ASXL3: variants seen among roughly 807,000 people sequenced by gnomAD.
The protein encoded by ASXL3 is putative Polycomb group protein ASXL3.
ASXL3 carries 34 observed loss-of-function variants against 170.6 expected under a neutral mutation model. The ratio of observed to expected loss-of-function variants is 0.20; its 90% CI spans 0.15 to 0.27. The LOEUF (loss-of-function observed/expected upper bound fraction) is 0.27, where lower values mean the gene tolerates loss of function less well. ASXL3 is among the 10% of genes least tolerant of loss of function. The probability of loss-of-function intolerance (pLI) is 1.00; values close to 1 mark genes in which losing one functional copy is unlikely to be tolerated. For synonymous variants in ASXL3, 1,002 were observed against 989.1 expected, an observed-to-expected ratio of 1.01 and a Z score of -0.24; for missense variants, 2,592 against 2,695.3, an observed-to-expected ratio of 0.96 and a Z score of 0.85.
chr18:33,619,156 G>T (rs1199735593), intron 2 of ASXL3, among the ~76,000 whole-genome samples: 1 of 152,076 alleles, frequency 6.6e-6, no homozygotes, highest in Non-Finnish European at 1.5e-5. Context: ...ATTTGAAAAA[G>T]TTCATCAAGC....
At chr18:33,592,104 T>C (rs1352133375) in intron 1 of ASXL3, among the ~76,000 whole-genome samples, 1 of 152,138 alleles carries the variant, frequency 6.6e-6, no homozygotes, top group African/African-American at 2.4e-5. Flanking sequence ...TTTATCTTCT[T>C]GGTGCTAGGT....
intron 8 of ASXL3, among the ~76,000 whole-genome samples, chr18:33,711,733 G>C (rs1431211314): frequency 6.6e-6 from 1 of 152,068 alleles, no homozygotes; most frequent in Admixed American, 6.6e-5. Flanking sequence ...CGGTGTCTGG[G>C]AGAGGCTATG....
intron 1 of ASXL3, among the ~76,000 whole-genome samples, chr18:33,591,492 T>C (rs1310305811): frequency 6.6e-6 from 1 of 152,212 alleles, no homozygotes; most frequent in African/African-American, 2.4e-5. Flanking sequence ...CTCCAATTTT[T>C]ATTTCTTTGT....
chr18:33,655,568 C>A (rs139584373), intron 4 of ASXL3, among the ~76,000 whole-genome samples: 17 of 152,046 alleles, frequency 1.1e-4, no homozygotes, highest in African/African-American at 4.1e-4. Context: ...AACCCAAATA[C>A]CTATACCTAT....
chr18:33,641,487 A>T (rs990369855), intron 2 of ASXL3, among the ~76,000 whole-genome samples: 2 of 152,088 alleles, frequency 1.3e-5, no homozygotes, highest in African/African-American at 4.8e-5. Context: ...GAAAGAAAAG[A>T]ATTGGGGACA....
At chr18:33,613,785 G>A (rs1185632780) in intron 2 of ASXL3, among the ~76,000 whole-genome samples, 1 of 152,044 alleles carries the variant, frequency 6.6e-6, no homozygotes, top group Admixed American at 6.6e-5. Flanking sequence ...GCCAGACTTG[G>A]TGGTACATGC....
intron 1 of ASXL3, among the ~76,000 whole-genome samples, chr18:33,582,343 A>G (rs1181782696): frequency 1.3e-5 from 2 of 152,146 alleles, no homozygotes; most frequent in Non-Finnish European, 1.5e-5. Context: ...ACTTTGTTTT[A>G]CAGCACTAAG....
intron 2 of ASXL3, among the ~76,000 whole-genome samples, chr18:33,620,730 G>A (rs748454650): frequency 3.3e-5 from 5 of 152,106 alleles, no homozygotes; most frequent in Non-Finnish European, 7.4e-5. Flanking sequence ...GGTGATGAGG[G>A]ATTGTGAAAT....
At chr18:33,728,003 A>G (rs961295104) in intron 8 of ASXL3, among the ~76,000 whole-genome samples, 1 of 152,148 alleles carries the variant, frequency 6.6e-6, no homozygotes, top group Non-Finnish European at 1.5e-5. Flanking sequence ...ATGTGCTGAG[A>G]TCTCGAGAAT....
chr18:33,600,756 G>GACCACTTTGTTTGAAACTCCAAAA (rs2065175827), intron 1 of ASXL3, among the ~76,000 whole-genome samples: 1 of 152,106 alleles, frequency 6.6e-6, no homozygotes, highest in Non-Finnish European at 1.5e-5. Flanking sequence ...TTCAGGGAAT[G>GACCACTTTGTTTGAAACTCCAAAA]ACCACTTTGT....
At chr18:33,621,534 C>G (rs1482985972) in intron 2 of ASXL3, among the ~76,000 whole-genome samples, 1 of 152,116 alleles carries the variant, frequency 6.6e-6, no homozygotes, top group African/African-American at 2.4e-5. Flanking sequence ...ATAATTTGTA[C>G]TTCAAATAGT....
At chr18:33,660,075 T>A (rs2066147262) in intron 4 of ASXL3, among the ~76,000 whole-genome samples, 1 of 152,138 alleles carries the variant, frequency 6.6e-6, no homozygotes, top group Non-Finnish European at 1.5e-5. Context: ...GGAAAAATCA[T>A]GGGTTCTGGA....
chr18:33,745,395 G>A lies in ASXL3; in HGVS notation c.5547G>A (p.Leu1849=). The stretch of plus-strand genomic sequence containing the variant: ...TTAAATGTGAACCAGGAAAATTGTT[G>A]GTGGAGCCAGATGTTAAAGGGGTGC... ...TQVKCEPGKL[L]VEPDVKGVPC... Residue 1849 remains leucine, a synonymous_variant, in exon 12 of 12, where the codon TTG becomes TTA. Coordinates refer to ENST00000269197, the MANE Select transcript of ASXL3 (RefSeq NM_030632.3). 1 of 1,613,922 alleles carries A rather than the reference G, an allele frequency of 6.2e-7. No homozygotes were observed. The highest frequency in any genetic ancestry group is 1.1e-5 in the South Asian group (1 of 91,064).
chr18:33,620,116 C>A (rs570928470), intron 2 of ASXL3, among the ~76,000 whole-genome samples: 1 of 152,244 alleles, frequency 6.6e-6, no homozygotes, highest in Non-Finnish European at 1.5e-5. Flanking sequence ...GAAAACCTCA[C>A]CCTTTCCTTT....
At chr18:33,737,095 C>G (rs762384294) in intron 10 of ASXL3, among the ~76,000 whole-genome samples, 1 of 151,990 alleles carries the variant, frequency 6.6e-6, no homozygotes, top group Non-Finnish European at 1.5e-5. Flanking sequence ...TTCTGATACT[C>G]TCAGTATAGT....
At chr18:33,647,747 C>G (rs2145204970) in intron 4 of ASXL3, among the ~76,000 whole-genome samples, 1 of 152,022 alleles carries the variant, frequency 6.6e-6, no homozygotes, top group East Asian at 1.9e-4. Flanking sequence ...AAAACAAAAG[C>G]AAATCTCTCA....
At position 33,679,872 on chromosome 18, in the gene ASXL3, T is replaced by G. The variant is rs192476195; in HGVS notation, c.716-3533T>G. ...TCTGTCAAGTATTGTGTCCTTACCT[T>G]TCATTCCTCTTCACATTTGTTTATA... On this transcript the variant is annotated intron_variant, in intron 7 of 11. Transcript: ENST00000269197. Among the ~76,000 whole-genome samples, 558 of 152,184 alleles carry G rather than the reference T, an allele frequency of 3.7e-3. 1 individual carries two copies. The highest frequency in any genetic ancestry group is 0.014 in the Middle Eastern group (4 of 294).
chr18:33,631,359 T>C (rs1304759446), intron 2 of ASXL3, among the ~76,000 whole-genome samples: 1 of 152,100 alleles, frequency 6.6e-6, no homozygotes, highest in Non-Finnish European at 1.5e-5. Context: ...AGAATTGTTT[T>C]TTTAGTTCAC....
intron 1 of ASXL3, 93 bp from the exon 2 acceptor site, chr18:33,607,501 C>G (rs755809485): frequency 6.8e-6 from 7 of 1,033,656 alleles, no homozygotes; most frequent in Non-Finnish European, 1.0e-5. Flanking sequence ...CCCTTCCCCT[C>G]TAATAAAATA....
Sources: allele counts gnomAD v4.1 joint callset (sites outside exome capture counted in the v4.1 genomes callset), GRCh38; gene constraint gnomAD v4.1.1; transcripts MANE v1.5; gene names NCBI Gene and HGNC (gene_info 2026-07-23, HGNC 2026-07-21).